Variants in C16orf46 observed in about 807,000 individuals in gnomAD.
The protein encoded by C16orf46 is uncharacterized protein C16orf46.
A neutral mutation model predicts 5.5 loss-of-function variants in C16orf46; 7 were observed. The observed-to-expected ratio is 1.28, with a 90% confidence interval of 0.73 to 2.40. The LOEUF is 2.40. Among genes scored for constraint, C16orf46 ranks in the 30% most tolerant of loss-of-function variants. The probability of loss-of-function intolerance (pLI) is 0.00; values close to 1 mark genes in which losing one functional copy is unlikely to be tolerated. For synonymous variants in C16orf46, 200 were observed against 184.1 expected (o/e 1.09, Z -0.70); for missense variants, 614 against 476.0 (o/e 1.29, Z -2.70).
In C16orf46 at chr16:81,061,577, C is replaced by A; in HGVS notation, c.772G>T (p.Ala258Ser). The change falls in exon 4 of 4, where the codon GCA becomes TCA. Residue 258 changes from alanine (A) to serine (S), a missense_variant. Coordinates refer to ENST00000299578, the MANE Select transcript of C16orf46 (RefSeq NM_152337.3). Reference protein sequence around the residue: ...CVAYAYGLKTADGKGEKRASE... With the variant: ...CVAYAYGLKTSDGKGEKRASE... Reference sequence around the variant, plus strand: ...GCTCTTTTTTCACCTTTCCCATCTGCTGTTTTCAAGCCATATGCATAAGCC... The same window carrying A: ...GCTCTTTTTTCACCTTTCCCATCTGATGTTTTCAAGCCATATGCATAAGCC... The A allele has an allele frequency of 6.2e-7, 1 of 1,614,178 alleles. No homozygotes were observed. The highest frequency in any genetic ancestry group is 2.2e-5 in the East Asian group (1 of 44,880).
intron 1 of C16orf46, among the ~76,000 whole-genome samples, chr16:81,068,790 C>T (rs1340795258): frequency 6.6e-6 from 1 of 152,084 alleles, no homozygotes; most frequent in East Asian, 1.9e-4. Flanking sequence ...CAACCTCCGC[C>T]TCCTGGGTTC....
chr16:81,061,261 CT>C lies in C16orf46; in HGVS notation c.1087del (p.Arg363GlyfsTer20), dbSNP rs766606694. The C allele has an allele frequency of 6.2e-7, 1 of 1,614,110 alleles. No individual in the cohort carries two copies. The highest frequency in any genetic ancestry group is 2.2e-5 in the East Asian group (1 of 44,864). ...AACTTTGGTCTCCAGCATTTGGGGCCTGTTTTCCTGCTTGGCCTTTGGGAGA... is the reference window on the plus strand; with the variant it reads ...AACTTTGGTCTCCAGCATTTGGGGCCGTTTTCCTGCTTGGCCTTTGGGAGA... Reference protein sequence around the residue: ...HVLPKAKQENRPQMLETKVFP... With the variant: ...HVLPKAKQENXPQMLETKVFP... On this transcript the variant is annotated frameshift_variant, in exon 4 of 4. Transcript: ENST00000299578. LOFTEE classifies it high-confidence loss of function.
chr16:81,061,783 G>A lies in C16orf46; in HGVS notation c.566C>T (p.Pro189Leu), dbSNP rs201595004. The change falls in exon 4 of 4, where the codon CCC becomes CTC. Residue 189 changes from proline (P) to leucine (L), a missense_variant. Physicochemically the swap from Pro to Leu is moderately conservative, Grantham distance 98. Coordinates refer to ENST00000299578, the MANE Select transcript of C16orf46 (RefSeq NM_152337.3). ...CAGCCCTCTGTGGGCCCCTCCACTG[G>A]GATTCCCAGAGGCCTTGCCCCTATT... The part of the protein sequence containing the change: ...GTNRGKASGN[P>L]SGGAHRGLSI... The A allele has an allele frequency of 5.1e-4, 825 of 1,613,934 alleles. No homozygotes were observed. The highest frequency in any genetic ancestry group is 1.2e-3 in the Middle Eastern group (7 of 6,062).
At chr16:81,054,584 ACCCATCTTGGC>A (rs1361427260) in intron 3 of C16orf46, among the ~76,000 whole-genome samples, 2 of 151,736 alleles carry the variant, frequency 1.3e-5, no homozygotes, top group African/African-American at 2.4e-5. Context: ...CAAGCAATCC[ACCCATCTTGGC>A]GTCCCAAAGT....
intron 2 of C16orf46, 40 bp from the exon 3 acceptor site, chr16:81,064,033 A>AT (rs1023630017): frequency 1.8e-4 from 195 of 1,103,102 alleles, no homozygotes; most frequent in Non-Finnish European, 2.1e-4. Context: ...TTTAATATTA[A>AT]TTTTTTTTTA....
chr16:81,068,789 C>A (rs1167950110), intron 1 of C16orf46, among the ~76,000 whole-genome samples: 1 of 152,064 alleles, frequency 6.6e-6, no homozygotes, highest in East Asian at 1.9e-4. Flanking sequence ...GCAACCTCCG[C>A]CTCCTGGGTT....
chr16:81,070,487 C>G (rs908179804), intron 1 of C16orf46, among the ~76,000 whole-genome samples: 4 of 151,994 alleles, frequency 2.6e-5, no homozygotes, highest in Admixed American at 2.6e-4. Context: ...CAGAAATACA[C>G]CCCCCCAAAC....
In C16orf46 at chr16:81,061,074, G is replaced by A. The variant is rs577327197; in HGVS notation, c.*87C>T. The A allele has an allele frequency of 8.2e-6, 12 of 1,466,650 alleles. No individual in the cohort carries two copies. The South Asian group carries it at 1.4e-4, about 17-fold the overall frequency. The allele number at this position is 1,466,650 out of a possible 1,614,324, so 90.9% of individuals were successfully genotyped here. Reference sequence around the variant, plus strand: ...CGGGGAGGAGAGAAAGAGAGAGTGGGGGGTGGGTGGGAAATGAGAGAGAAG... The same window carrying A: ...CGGGGAGGAGAGAAAGAGAGAGTGGAGGGTGGGTGGGAAATGAGAGAGAAG... On this transcript the variant is annotated 3_prime_UTR_variant, in exon 4 of 4. Transcript: ENST00000299578.
downstream of C16orf46, among the ~76,000 whole-genome samples, chr16:81,059,157 C>T (rs1971388982): frequency 6.6e-6 from 1 of 151,704 alleles, no homozygotes. Flanking sequence ...CCAGTCTCTA[C>T]TAATAATACA....
At chr16:81,064,234 G>C (rs1971580213) in intron 2 of C16orf46, among the ~76,000 whole-genome samples, 1 of 151,520 alleles carries the variant, frequency 6.6e-6, no homozygotes, top group Non-Finnish European at 1.5e-5. Flanking sequence ...AAATAAGGCG[G>C]GCACCTGTAA....
intron 1 of C16orf46, 64 bp from the exon 2 acceptor site, chr16:81,066,345 C>A (rs1971653827): frequency 6.6e-6 from 1 of 152,048 alleles, no homozygotes; most frequent in South Asian, 2.1e-4. Context: ...CTTCTCTAAA[C>A]ATACTATCAA....
rs762210126 is a variant in C16orf46, at chr16:81,061,590, A to G, written c.759T>C (p.Tyr253=). Reference sequence around the variant, plus strand: ...CTTTCCCATCTGCTGTTTTCAAGCCATATGCATAAGCCACACACCCATCCT... The same window carrying G: ...CTTTCCCATCTGCTGTTTTCAAGCCGTATGCATAAGCCACACACCCATCCT... ...VEKDGCVAYA[Y]GLKTADGKGE... Residue 253 remains tyrosine, a synonymous_variant, in exon 4 of 4, where the codon TAT becomes TAC. Transcript: ENST00000299578. 70 of 1,614,100 alleles carry G rather than the reference A, an allele frequency of 4.3e-5. No homozygotes were observed. Among genetic ancestry groups the G allele is most frequent in the Non-Finnish European group, 5.6e-5 (66 of 1,180,040 alleles).
At chr16:81,068,804 T>C (rs1313371376) in intron 1 of C16orf46, among the ~76,000 whole-genome samples, 11 of 152,108 alleles carry the variant, frequency 7.2e-5, no homozygotes, top group African/African-American at 2.7e-4. Context: ...TGGGTTCAAG[T>C]GATTCTTGTG....
intron 3 of C16orf46, among the ~76,000 whole-genome samples, chr16:81,063,246 G>GAA (rs371975396): frequency 3.9e-4 from 39 of 100,776 alleles, no homozygotes; most frequent in Admixed American, 4.4e-4. Context: ...CCATCTCAGG[G>GAA]AAAAAAAAAA....
At chr16:81,054,319 T>G (rs1302099030) in intron 3 of C16orf46, among the ~76,000 whole-genome samples, 1 of 152,032 alleles carries the variant, frequency 6.6e-6, no homozygotes, top group Non-Finnish European at 1.5e-5. Flanking sequence ...TTTTTCTTTT[T>G]AAAACGTGAG....
At chr16:81,072,761 G>C (rs1200969650) in intron 1 of C16orf46, among the ~76,000 whole-genome samples, 1 of 152,010 alleles carries the variant, frequency 6.6e-6, no homozygotes, top group Non-Finnish European at 1.5e-5. Context: ...GAGTGCAATT[G>C]CATGATCTCG....
chr16:81,055,810 C>T (rs1298480065), intron 3 of C16orf46, among the ~76,000 whole-genome samples: 5 of 152,202 alleles, frequency 3.3e-5, no homozygotes, highest in Non-Finnish European at 1.5e-5. Context: ...ACCTCTGCCT[C>T]CCCGGGTTCA....
At position 81,061,569 on chromosome 16, in the gene C16orf46, C is replaced by T; in HGVS notation, c.780G>A (p.Gly260=). Residue 260 remains glycine (G), a synonymous_variant, in exon 4 of 4, where the codon GGG becomes GGA. Transcript: ENST00000299578. The part of the protein sequence containing the change: ...AYAYGLKTAD[G]KGEKRASELA... Reference sequence around the variant, plus strand: ...GCTCACTGGCTCTTTTTTCACCTTTCCCATCTGCTGTTTTCAAGCCATATG... The same window carrying T: ...GCTCACTGGCTCTTTTTTCACCTTTTCCATCTGCTGTTTTCAAGCCATATG... 2 of 1,614,146 alleles carry T rather than the reference C, an allele frequency of 1.2e-6. No homozygotes were observed. Among genetic ancestry groups the T allele is most frequent in the Non-Finnish European group, 1.7e-6 (2 of 1,180,020 alleles).
chr16:81,061,083 G>T lies in C16orf46; in HGVS notation c.*78C>A. The T allele has an allele frequency of 1.3e-6, 2 of 1,483,406 alleles. No homozygotes were observed. The highest frequency in any genetic ancestry group is 1.8e-6 in the Non-Finnish European group (2 of 1,110,450). The allele number at this position is 1,483,406 out of a possible 1,614,324, so 91.9% of individuals were successfully genotyped here. A position where few individuals can be genotyped will look rare whatever the true frequency, so the allele number is the denominator to read the frequency against. On this transcript the variant is annotated 3_prime_UTR_variant, in exon 4 of 4. Transcript: ENST00000299578. ...GAGAAAGAGAGAGTGGGGGGTGGGT[G>T]GGAAATGAGAGAGAAGAAAGAGAAA... is the stretch of plus-strand genomic sequence containing the variant.
Sources: gnomAD v4.1 joint callset for allele counts (sites outside exome capture counted in the v4.1 genomes callset) on GRCh38, gnomAD v4.1.1 for gene constraint, MANE v1.5 for transcripts, NCBI Gene and HGNC (gene_info 2026-07-23, HGNC 2026-07-21) for gene names.